ZFAT: variants seen among roughly 807,000 people sequenced by gnomAD.
ZFAT encodes zinc finger and AT-hook domain containing.
Under a neutral mutation model 117.7 loss-of-function variants are expected in ZFAT, and 64 were observed. The ratio of observed to expected loss-of-function variants is 0.54; its 90% CI spans 0.44 to 0.67. ZFAT has a LOEUF of 0.67. ZFAT is among the 30% of genes least tolerant of loss of function. The pLI, the probability that ZFAT is intolerant of heterozygous loss-of-function variation, is 0.00. For synonymous variants in ZFAT, 679 were observed against 615.0 expected, an observed-to-expected ratio of 1.10 and a Z score of -1.54; for missense variants, 1,433 against 1,584.5, an observed-to-expected ratio of 0.90 and a Z score of 1.62.
At chr8:134,828,316 G>A in the ZFAT span, among the ~76,000 whole-genome samples, 1 of 152,062 alleles carries the variant, frequency 6.6e-6, no homozygotes, top group Non-Finnish European at 1.5e-5. Flanking sequence ...GTATGAAACC[G>A]TGCCCAGTAT....
At chr8:134,488,782 T>C (rs1314014699) in intron 15 of ZFAT, among the ~76,000 whole-genome samples, 2 of 152,086 alleles carry the variant, frequency 1.3e-5, no homozygotes, top group African/African-American at 4.8e-5. Flanking sequence ...TGGCCAGGGA[T>C]GCTTTCCTGA....
At chr8:134,816,578 C>T in the ZFAT span, among the ~76,000 whole-genome samples, 43 of 151,864 alleles carry the variant, frequency 2.8e-4, 1 homozygote, top group Middle Eastern at 6.9e-3. Context: ...GAGGGTAATC[C>T]TAATTTCAAA....
At chr8:134,569,778 T>C (rs1586728115) in intron 10 of ZFAT, among the ~76,000 whole-genome samples, 1 of 152,138 alleles carries the variant, frequency 6.6e-6, no homozygotes, top group East Asian at 1.9e-4. Context: ...TCCAGACCTG[T>C]ACCTCCCTGA....
At chr8:134,692,870 G>A (rs780506705) in intron 1 of ZFAT, among the ~76,000 whole-genome samples, 1 of 152,188 alleles carries the variant, frequency 6.6e-6, no homozygotes, top group Non-Finnish European at 1.5e-5. Flanking sequence ...CCAGGACTGA[G>A]CAAATAAGTA....
the ZFAT span, among the ~76,000 whole-genome samples, chr8:134,799,833 A>G: frequency 1.3e-5 from 2 of 152,348 alleles, no homozygotes; most frequent in Admixed American, 1.3e-4. Flanking sequence ...GTCTGCTTTA[A>G]GCATTATGGC....
rs145221439 is a variant in ZFAT, at chr8:134,530,739, T to C, written c.3115+2095A>G. 5.3e-5 allele frequency among the ~76,000 whole-genome samples: 8 copies of C among 151,982 alleles called. No homozygotes were observed. In the East Asian group the frequency reaches 1.4e-3, roughly 26 times the overall value. ...GGTTCAACCAACTGCAGATTGAAAA[T>C]ATTCAGGAAAAATAAATAAAAAATA... On this transcript the variant is annotated intron_variant, in intron 12 of 15. Transcript: ENST00000377838.
intron 13 of ZFAT, among the ~76,000 whole-genome samples, chr8:134,518,932 T>C (rs1254667134): frequency 6.6e-6 from 1 of 152,196 alleles, no homozygotes; most frequent in Non-Finnish European, 1.5e-5. Flanking sequence ...TGAGACACCA[T>C]CTTTATCATA....
At chr8:134,825,597 C>T in the ZFAT span, among the ~76,000 whole-genome samples, 3 of 152,166 alleles carry the variant, frequency 2.0e-5, no homozygotes, top group African/African-American at 4.8e-5. Context: ...TCACAGAATA[C>T]GGCTGAAGAC....
At chr8:134,625,396 C>A (rs116758922) in intron 3 of ZFAT, among the ~76,000 whole-genome samples, 1 of 152,234 alleles carries the variant, frequency 6.6e-6, no homozygotes, top group Non-Finnish European at 1.5e-5. Context: ...CCTATTCCAT[C>A]TCCTTCTCCA....
Position 134,602,170 on chromosome 8 carries a change from G to A in ZFAT, c.1549C>T (p.Gln517Ter). The A allele has an allele frequency of 6.2e-7, 1 of 1,613,440 alleles. No individual in the cohort carries two copies. The highest frequency in any genetic ancestry group is 1.1e-5 in the South Asian group (1 of 91,058). The change falls in exon 6 of 16, where the codon CAG becomes TAG. Residue 517 changes from glutamine to a stop codon, truncating the protein, a stop_gained. Transcript: ENST00000377838. LOFTEE classifies it high-confidence loss of function. ...AGGGCAAACTCCTCTTCCACCAGCT[G>A]TAGCTGGTCCCCCAGAGCTTCTTGC... ...IQQEALGDQL[Q>*]LVEEEFALQG...
chr8:134,616,823 G>A (rs1307447261), intron 3 of ZFAT, among the ~76,000 whole-genome samples: 1 of 152,092 alleles, frequency 6.6e-6, no homozygotes, highest in African/African-American at 2.4e-5. Flanking sequence ...GAGAGGCTGG[G>A]TTAGGACACA....
Position 134,642,470 on chromosome 8 carries a change from C to A in ZFAT, c.197-4758G>T, listed in dbSNP as rs76622119. Among the ~76,000 whole-genome samples the A allele has an allele frequency of 4.8e-3, 732 of 152,216 alleles. 6 individuals carry two copies. Among genetic ancestry groups the A allele is most frequent in the African/African-American group, 0.016 (675 of 41,526 alleles). On this transcript the variant is annotated intron_variant, in intron 2 of 15. Coordinates refer to ENST00000377838, the MANE Select transcript of ZFAT (RefSeq NM_020863.4). The stretch of plus-strand genomic sequence containing the variant: ...AACTCAGGAGATGATTGATAAATGG[C>A]AACTGTTTAATATTATGGCCATAGT...
At chr8:134,613,975 C>T (rs1051529509) in intron 3 of ZFAT, among the ~76,000 whole-genome samples, 1 of 152,200 alleles carries the variant, frequency 6.6e-6, no homozygotes, top group South Asian at 2.1e-4. Context: ...TCTTGTTACA[C>T]GAGAGAACAT....
chr8:134,701,377 C>G (rs904001727), intron 1 of ZFAT, among the ~76,000 whole-genome samples: 2 of 152,168 alleles, frequency 1.3e-5, no homozygotes, highest in Non-Finnish European at 2.9e-5. Flanking sequence ...CTGAATAATA[C>G]TTTATTCTAT....
chr8:134,494,742 T>C (rs753618005), intron 15 of ZFAT, among the ~76,000 whole-genome samples: 33 of 152,370 alleles, frequency 2.2e-4, no homozygotes, highest in Admixed American at 2.6e-4. Context: ...GTTTAAAATA[T>C]GTTTATCATA....
chr8:134,711,024 T>C (rs1813974334), intron 1 of ZFAT, among the ~76,000 whole-genome samples: 2 of 152,272 alleles, frequency 1.3e-5, no homozygotes, highest in African/African-American at 4.8e-5. Flanking sequence ...CATCAGCTGC[T>C]AAACAACAGA....
chr8:134,812,680 G>A, the ZFAT span, among the ~76,000 whole-genome samples: 2 of 152,170 alleles, frequency 1.3e-5, no homozygotes, highest in Non-Finnish European at 2.9e-5. Flanking sequence ...AGGTTGCAGT[G>A]AGCCAAGATT....
intron 14 of ZFAT, 143 bp downstream of exon 14, chr8:134,512,332 G>A (rs1414916107): frequency 6.5e-6 from 8 of 1,236,442 alleles, no homozygotes; most frequent in Middle Eastern, 2.5e-4. Context: ...GGCTGGCAAT[G>A]GGGCTGCTTC....
intron 3 of ZFAT, among the ~76,000 whole-genome samples, chr8:134,631,449 C>T (rs1169279650): frequency 6.6e-6 from 1 of 152,204 alleles, no homozygotes; most frequent in East Asian, 1.9e-4. Flanking sequence ...GGGCCCCAAC[C>T]AGCCCCAAAT....
Sources: allele counts gnomAD v4.1 joint callset (sites outside exome capture counted in the v4.1 genomes callset), GRCh38; gene constraint gnomAD v4.1.1; transcripts MANE v1.5; gene names NCBI Gene and HGNC (gene_info 2026-07-23, HGNC 2026-07-21).